FLT1: variants seen among roughly 807,000 people sequenced by gnomAD.
The protein encoded by FLT1 is fms related receptor tyrosine kinase 1, also known as vascular endothelial growth factor receptor 1.
A neutral mutation model predicts 156.3 loss-of-function variants in FLT1; 49 were observed. That is an observed-to-expected ratio of 0.31 (90% CI 0.25 to 0.40). The LOEUF is 0.40. Among genes scored for constraint, FLT1 ranks in the 10% least tolerant of loss-of-function variants. The pLI is 1.00. For synonymous variants in FLT1, 594 were observed against 583.8 expected (o/e 1.02, Z -0.25); for missense variants, 1,322 against 1,637.2 (o/e 0.81, Z 3.32).
chr13:28,342,968 CTT>C (rs1491123912), intron 16 of FLT1, among the ~76,000 whole-genome samples: 1 of 135,938 alleles, frequency 7.4e-6, no homozygotes, highest in African/African-American at 2.6e-5. Flanking sequence ...CTCTCTCTCT[CTT>C]TCTTTCTTTC....
intron 3 of FLT1, among the ~76,000 whole-genome samples, chr13:28,441,703 G>A (rs1878343231): frequency 6.6e-6 from 1 of 152,166 alleles, no homozygotes; most frequent in African/African-American, 2.4e-5. Flanking sequence ...CACTTTGGGA[G>A]GCTGAGGCAG....
At chr13:28,374,080 GA>G (rs1394642377) in intron 14 of FLT1, among the ~76,000 whole-genome samples, 1 of 152,100 alleles carries the variant, frequency 6.6e-6, no homozygotes, top group Admixed American at 6.6e-5. Flanking sequence ...TTGGGGTTAT[GA>G]AAAAGTTCTG....
chr13:28,388,719 G>A (rs964787832), intron 13 of FLT1: 6 of 1,056,684 alleles, frequency 5.7e-6, no homozygotes, highest in African/African-American at 1.6e-5. Context: ...TTTTTAAAGG[G>A]CAAATTTTAA....
chr13:28,376,753 A>G (rs1382185478), intron 14 of FLT1, among the ~76,000 whole-genome samples: 2 of 152,162 alleles, frequency 1.3e-5, no homozygotes, highest in African/African-American at 2.4e-5. Flanking sequence ...TTACGACCTC[A>G]TTGGAGAACC....
intron 18 of FLT1, among the ~76,000 whole-genome samples, chr13:28,331,361 A>G (rs747458086): frequency 6.6e-6 from 1 of 152,232 alleles, no homozygotes; most frequent in Non-Finnish European, 1.5e-5. Context: ...CATGGGTGTA[A>G]GGCCCAAAAA....
Position 28,344,492 on chromosome 13 carries a change from C to T in FLT1, c.2355+953G>A, listed in dbSNP as rs527341557. ...CTCCCCTGACTGCTCCCTCCAGCAT[C>T]TGCCCCACTGTCACCAGAGGGTCTT... On this transcript the variant is annotated intron_variant, in intron 16 of 29. Coordinates refer to ENST00000282397, the MANE Select transcript of FLT1 (RefSeq NM_002019.4). 7.9e-5 allele frequency among the ~76,000 whole-genome samples: 12 copies of T among 152,352 alleles called. No individual in the cohort carries two copies. The East Asian group carries it at 1.7e-3, about 22-fold the overall frequency.
intron 18 of FLT1, among the ~76,000 whole-genome samples, chr13:28,333,187 G>T (rs1357424567): frequency 1.2e-4 from 18 of 152,206 alleles, no homozygotes; most frequent in Non-Finnish European, 1.5e-5. Context: ...GCCTGTACTA[G>T]GTACCCGTGT....
At chr13:28,417,018 T>C (rs769352539) in intron 10 of FLT1, among the ~76,000 whole-genome samples, 1 of 152,186 alleles carries the variant, frequency 6.6e-6, no homozygotes, top group Non-Finnish European at 1.5e-5. Context: ...ACAGTGCGCA[T>C]ACTGCAGGCT....
At chr13:28,404,365 C>T (rs1282665176) in intron 11 of FLT1, among the ~76,000 whole-genome samples, 3 of 151,930 alleles carry the variant, frequency 2.0e-5, no homozygotes, top group Admixed American at 2.0e-4. Context: ...TGGTTTGAGT[C>T]TCTCATTTAT....
intron 17 of FLT1, among the ~76,000 whole-genome samples, chr13:28,335,595 G>C (rs1001908448): frequency 5.3e-5 from 8 of 152,194 alleles, no homozygotes; most frequent in African/African-American, 1.9e-4. Flanking sequence ...CAGGTGTCCA[G>C]TTAGGATGTA....
intron 14 of FLT1, among the ~76,000 whole-genome samples, chr13:28,384,204 C>T (rs1160311722): frequency 1.3e-5 from 2 of 152,148 alleles, no homozygotes; most frequent in African/African-American, 4.8e-5. Flanking sequence ...GAGGCCAAGG[C>T]AGGTGGATTA....
intron 13 of FLT1, 31 bp from the exon 14 acceptor site, chr13:28,385,062 C>G: frequency 6.2e-7 from 1 of 1,612,588 alleles, no homozygotes; most frequent in Non-Finnish European, 8.5e-7. Flanking sequence ...GCTGTGATTA[C>G]TCGTCAACTT....
intron 3 of FLT1, among the ~76,000 whole-genome samples, chr13:28,443,529 T>C (rs1878447373): frequency 6.6e-6 from 1 of 152,246 alleles, no homozygotes; most frequent in South Asian, 2.1e-4. Flanking sequence ...TACATATTTA[T>C]GGTTTTTACA....
intron 11 of FLT1, among the ~76,000 whole-genome samples, chr13:28,397,946 T>C (rs971279483): frequency 6.6e-6 from 1 of 152,168 alleles, no homozygotes; most frequent in Admixed American, 6.5e-5. Context: ...GCAGTCAAAA[T>C]TGCATGAACT....
chr13:28,494,120 GCGGGCGCTCGC>G (rs1341821253), intron 1 of FLT1, among the ~76,000 whole-genome samples: 17 of 152,148 alleles, frequency 1.1e-4, no homozygotes, highest in Admixed American at 9.2e-4. Context: ...GCGGGGAGGA[GCGGGCGCTCGC>G]CGAGCGTTCC....
At chr13:28,337,525 G>A (rs1006487139) in intron 17 of FLT1, among the ~76,000 whole-genome samples, 3 of 152,180 alleles carry the variant, frequency 2.0e-5, no homozygotes, top group African/African-American at 7.2e-5. Flanking sequence ...GTACCTCGGG[G>A]CCTTGCAGCC....
chr13:28,353,755 T>C (rs914139373), intron 15 of FLT1, among the ~76,000 whole-genome samples: 5 of 152,308 alleles, frequency 3.3e-5, no homozygotes, highest in African/African-American at 7.2e-5. Context: ...GGTTTTGATA[T>C]GGAATTTCCC....
chr13:28,400,738 A>G (rs1472320589), intron 11 of FLT1, among the ~76,000 whole-genome samples: 1 of 152,252 alleles, frequency 6.6e-6, no homozygotes, highest in African/African-American at 2.4e-5. Flanking sequence ...TCAACTAAAT[A>G]CTTTCAAAGA....
chr13:28,345,327 G>A, intron 16 of FLT1, 118 bp downstream of exon 16: 3 of 704,910 alleles, frequency 4.3e-6, no homozygotes, highest in South Asian at 1.5e-5. Flanking sequence ...GTCAGAGATA[G>A]GAATGAGAGG....
Sources: gnomAD v4.1 joint callset for allele counts (sites outside exome capture counted in the v4.1 genomes callset) on GRCh38, gnomAD v4.1.1 for gene constraint, MANE v1.5 for transcripts, NCBI Gene and HGNC (gene_info 2026-07-23, HGNC 2026-07-21) for gene names.